Variants in ANGPTL2 observed in about 807,000 individuals in gnomAD.
The protein encoded by ANGPTL2 is angiopoietin like 2, also known as angiopoietin-related protein 2.
ANGPTL2 carries 25 observed loss-of-function variants against 52.8 expected under a neutral mutation model. That is an observed-to-expected ratio of 0.47 (90% confidence interval 0.35 to 0.66). The LOEUF is 0.66. Ranked by LOEUF, ANGPTL2 falls within the 30% of genes least tolerant of loss-of-function variation. The pLI, the probability that ANGPTL2 is intolerant of heterozygous loss-of-function variation, is 0.01. For synonymous variants in ANGPTL2, 276 were observed against 277.4 expected, an observed-to-expected ratio of 1.00 and a Z score of 0.05; for missense variants, 546 against 656.9, an observed-to-expected ratio of 0.83 and a Z score of 1.84.
chr9:127,092,876 A>G (rs532030676), intron 3 of ANGPTL2, among the ~76,000 whole-genome samples: 179 of 152,264 alleles, frequency 1.2e-3, no homozygotes, highest in African/African-American at 4.2e-3. Flanking sequence ...AAGAAGGGGC[A>G]TGGCAGAGCC....
At chr9:127,092,064 T>C in intron 3 of ANGPTL2, 124 bp from the exon 4 acceptor site, 1 of 1,187,440 alleles carries the variant, frequency 8.4e-7, no homozygotes, top group Non-Finnish European at 1.2e-6. Flanking sequence ...GAAGCAGACC[T>C]GGTTCAGACC....
intron 1 of ANGPTL2, among the ~76,000 whole-genome samples, chr9:127,120,537 T>A (rs2055939963): frequency 6.6e-6 from 1 of 152,178 alleles, no homozygotes. Flanking sequence ...AGAATTTGGG[T>A]CTCTGGCCGG....
chr9:127,119,532 C>G (rs115795011), intron 1 of ANGPTL2, among the ~76,000 whole-genome samples: 1 of 152,210 alleles, frequency 6.6e-6, no homozygotes, highest in Non-Finnish European at 1.5e-5. Flanking sequence ...GCAAGTTAAC[C>G]TCTCGAGACT....
intron 2 of ANGPTL2, 52 bp from the exon 3 acceptor site, chr9:127,093,978 C>T: frequency 1.3e-6 from 2 of 1,575,932 alleles, no homozygotes; most frequent in Non-Finnish European, 1.7e-6. Context: ...CACCAGGCCG[C>T]ACCCCCAGCT....
At chr9:127,095,520 G>T (rs2053026690) in intron 2 of ANGPTL2, among the ~76,000 whole-genome samples, 1 of 152,240 alleles carries the variant, frequency 6.6e-6, no homozygotes. Flanking sequence ...TGTGTATTGA[G>T]TCCCAGCCTC....
intron 1 of ANGPTL2, among the ~76,000 whole-genome samples, chr9:127,119,569 G>A (rs562891936): frequency 6.6e-6 from 1 of 152,342 alleles, no homozygotes; most frequent in Admixed American, 6.5e-5. Flanking sequence ...AAAATGGGAT[G>A]CTAAAACTAG....
rs376334260 is a variant in ANGPTL2, at chr9:127,108,522, G to A, written c.210C>T (p.Cys70=). The change falls in exon 2 of 5, where the codon TGC becomes TGT. Residue 70 remains cysteine, a synonymous_variant. Transcript: ENST00000373425. Reference sequence around the variant, plus strand: ...GCACCTCAGGCTCCTTGGAGTTGACGCAGATGGCACCCGTGACCCGCTGCT... The same window carrying A: ...GCACCTCAGGCTCCTTGGAGTTGACACAGATGGCACCCGTGACCCGCTGCT... ...VPQQRVTGAI[C]VNSKEPEVLL... 20 of 1,612,910 alleles carry A rather than the reference G, an allele frequency of 1.2e-5. No homozygotes were observed. The highest frequency in any genetic ancestry group is 5.4e-5 in the African/African-American group (4 of 74,460).
chr9:127,090,963 T>C (rs1473912562), intron 4 of ANGPTL2, among the ~76,000 whole-genome samples: 2 of 152,234 alleles, frequency 1.3e-5, no homozygotes, highest in African/African-American at 4.8e-5. Context: ...AAAGACTTCT[T>C]AGTAAAGACC....
intron 1 of ANGPTL2, among the ~76,000 whole-genome samples, chr9:127,116,457 G>A (rs2055430541): frequency 6.6e-6 from 1 of 152,246 alleles, no homozygotes; most frequent in African/African-American, 2.4e-5. Context: ...AGGCCTCTGT[G>A]CCAGGAGCCT....
chr9:127,103,426 T>C (rs1268464995), intron 2 of ANGPTL2, among the ~76,000 whole-genome samples: 1 of 152,192 alleles, frequency 6.6e-6, no homozygotes, highest in Admixed American at 6.5e-5. Context: ...ATTTATACAG[T>C]CAGGGCTAAC....
intron 2 of ANGPTL2, among the ~76,000 whole-genome samples, chr9:127,095,277 G>A (rs368411278): frequency 1.3e-4 from 20 of 152,190 alleles, no homozygotes; most frequent in African/African-American, 4.6e-4. Context: ...ACGCACCTGT[G>A]ATCCCAGCTA....
chr9:127,092,310 C>T (rs1488064411), intron 3 of ANGPTL2, among the ~76,000 whole-genome samples: 1 of 152,216 alleles, frequency 6.6e-6, no homozygotes, highest in African/African-American at 2.4e-5. Context: ...CTTCACTGAG[C>T]TTCACCTCCT....
intron 1 of ANGPTL2, among the ~76,000 whole-genome samples, chr9:127,112,949 G>A (rs770575750): frequency 6.6e-6 from 1 of 152,190 alleles, no homozygotes; most frequent in Non-Finnish European, 1.5e-5. Context: ...TTTCTAGGCT[G>A]AGGAAACTGA....
In ANGPTL2 at chr9:127,122,361, C is replaced by G. The variant is rs1289653163; in HGVS notation, c.-96G>C. 6.6e-6 allele frequency: 1 copy of G among 152,512 alleles called. No individual in the cohort carries two copies. Among genetic ancestry groups the G allele is most frequent in the Non-Finnish European group, 1.5e-5 (1 of 68,372 alleles). The allele number at this position is 152,512 out of a possible 1,614,324, so 9.4% of individuals were successfully genotyped here. On this transcript the variant is annotated 5_prime_UTR_variant, in exon 1 of 5. Coordinates refer to ENST00000373425, the MANE Select transcript of ANGPTL2 (RefSeq NM_012098.3). The surrounding 1 kb of genome is among the most constrained non-coding windows in gnomAD (Gnocchi z 6.4). ...CGGGGCGGCTCCTCACATGCTTCAC[C>G]CTGGCCGTCAGCGGGGCAGCCTGTC...
intron 2 of ANGPTL2, among the ~76,000 whole-genome samples, chr9:127,101,755 C>A (rs1432158510): frequency 1.3e-5 from 2 of 152,120 alleles, no homozygotes; most frequent in African/African-American, 4.8e-5. Context: ...TTCATTTGGA[C>A]CCTACTCTAG....
rs187626596 is a variant in ANGPTL2, at chr9:127,096,573, G to A, written c.818-2647C>T. 9.2e-5 allele frequency among the ~76,000 whole-genome samples: 14 copies of A among 152,354 alleles called. No homozygotes were observed. In the South Asian group the frequency reaches 1.2e-3, roughly 14 times the overall value. ...TGGCCTCGTGGCTCCAGCTGGGGCTGCCTTTGTGGGCGCCATGAATGATCT... is the reference window on the plus strand; with the variant it reads ...TGGCCTCGTGGCTCCAGCTGGGGCTACCTTTGTGGGCGCCATGAATGATCT... On this transcript the variant is annotated intron_variant, in intron 2 of 4. Coordinates refer to ENST00000373425, the MANE Select transcript of ANGPTL2 (RefSeq NM_012098.3).
At chr9:127,093,347 C>A (rs911104351) in intron 3 of ANGPTL2, among the ~76,000 whole-genome samples, 2 of 152,190 alleles carry the variant, frequency 1.3e-5, no homozygotes, top group African/African-American at 2.4e-5. Flanking sequence ...TTGGGACTTG[C>A]GCCTTCTGGG....
intron 1 of ANGPTL2, among the ~76,000 whole-genome samples, chr9:127,109,547 A>T (rs2054591152): frequency 6.6e-6 from 1 of 152,216 alleles, no homozygotes; most frequent in South Asian, 2.1e-4. Context: ...GTAGCCAGTG[A>T]CAGCACAGTC....
rs148016964 is a variant in ANGPTL2 at position 127,091,790 on chromosome 9, G to A, written c.1162C>T (p.Pro388Ser). ...CGCAGCTTATAATACTCGCTCTCAG[G>A]TTCCAGGCGGAAACTGGCGTATTCT... ...FAEYASFRLE[P>S]ESEYYKLRLG... is the part of the protein sequence containing the mutation. Residue 388 changes from proline (P) to serine (S), a missense_variant, in exon 4 of 5, where the codon CCT becomes TCT. By Grantham distance (74) the Pro-to-Ser change is moderately conservative. Coordinates refer to ENST00000373425, the MANE Select transcript of ANGPTL2 (RefSeq NM_012098.3). This position sits in a 1 kb window ranked among gnomAD's most constrained non-coding sequence, Gnocchi z 4.3. 1.9e-3 allele frequency: 3,058 copies of A among 1,614,146 alleles called. 3 individuals carry two copies. The highest frequency in any genetic ancestry group is 2.4e-3 in the Non-Finnish European group (2,870 of 1,180,030).
Sources: allele counts gnomAD v4.1 joint callset (sites outside exome capture counted in the v4.1 genomes callset), GRCh38; gene constraint gnomAD v4.1.1; non-coding constraint Gnocchi (gnomAD v3.1); transcripts MANE v1.5; gene names NCBI Gene and HGNC (gene_info 2026-07-23, HGNC 2026-07-21).